The following SPATA19 variants were observed in gnomAD, a reference collection of about 807,000 sequenced individuals.
SPATA19 encodes the protein spermatogenesis-associated protein 19, mitochondrial.
In SPATA19, 19 loss-of-function variants were observed where a neutral mutation model predicts 25.0. The ratio of observed to expected loss-of-function variants is 0.76; its 90% confidence interval spans 0.53 to 1.11. SPATA19 has a LOEUF of 1.11. Ranked by LOEUF, SPATA19 falls within the 50% of genes most tolerant of loss-of-function variation. The pLI is 0.00. For missense variants in SPATA19, 222 were observed against 211.4 expected, an observed-to-expected ratio of 1.05 and a Z score of -0.31; for synonymous variants, 64 against 69.3, an observed-to-expected ratio of 0.92 and a Z score of 0.38.
intron 2 of SPATA19, 147 bp from the exon 3 acceptor site, chr11:133,844,787 C>T (rs1047571059): frequency 5.1e-6 from 5 of 986,238 alleles, no homozygotes; most frequent in Admixed American, 5.5e-5. Flanking sequence ...ACTGTTCCCA[C>T]AATAAGCTAC....
chr11:133,840,101 G>T (rs1358156395), downstream of SPATA19, among the ~76,000 whole-genome samples: 3 of 152,132 alleles, frequency 2.0e-5, no homozygotes, highest in African/African-American at 7.2e-5. Flanking sequence ...ATTATATCCA[G>T]CTTCTCCTCG....
rs202081483 is a variant in SPATA19, at chr11:133,845,197, C to A, written c.79-7G>T. ...TTTCCACAACGTCAATGTCCTGGAA[C>A]AAATTGGCAAGTTGGTGACCTCAGA... On this transcript the variant is annotated splice_region_variant and splice_polypyrimidine_tract_variant and intron_variant, in intron 1 of 6. Transcript: ENST00000299140. The A allele has an allele frequency of 3.0e-5, 48 of 1,614,038 alleles. No homozygotes were observed. The Admixed American group carries it at 7.7e-4, about 26-fold the overall frequency.
At chr11:133,837,260 G>A (rs1418963852), downstream of SPATA19, among the ~76,000 whole-genome samples, 2 of 152,204 alleles carry the variant, frequency 1.3e-5, no homozygotes, top group Non-Finnish European at 2.9e-5. Flanking sequence ...GACTGGAAAG[G>A]CAGAAAGTTG....
chr11:133,842,017 T>C lies in SPATA19; in HGVS notation c.*9+13A>G. 1 of 1,612,426 alleles carries C rather than the reference T, an allele frequency of 6.2e-7. No homozygotes were observed. ...TCTTCTCTGCCCAGTTCCTCATCCGTCAGCTCTCTCACCTGTTGCTCTCAG... is the reference window on the plus strand; with the variant it reads ...TCTTCTCTGCCCAGTTCCTCATCCGCCAGCTCTCTCACCTGTTGCTCTCAG... On this transcript the variant is annotated intron_variant, in intron 6 of 6. Coordinates refer to ENST00000299140, the MANE Select transcript of SPATA19 (RefSeq NM_174927.3).
At chr11:133,844,200 A>C (rs772633351) in intron 4 of SPATA19, 46 bp downstream of exon 4, 18 of 1,459,682 alleles carry the variant, frequency 1.2e-5, no homozygotes, top group Non-Finnish European at 1.7e-5. Context: ...GGGCTTGCGC[A>C]TCTCTCCCTC....
In SPATA19 at chr11:133,844,640, T is replaced by C. The variant is rs1938383067; in HGVS notation, c.136A>G (p.Thr46Ala). 1 of 1,592,952 alleles carries C rather than the reference T, an allele frequency of 6.3e-7. No homozygotes were observed. Among genetic ancestry groups the C allele is most frequent in the East Asian group, 2.2e-5 (1 of 44,686 alleles). ...ATGCCCCGAGAAGCCTCTTCTTCTGTCTGAAAGGTGAGAAATTCCCTCTGA... is the reference window on the plus strand; with the variant it reads ...ATGCCCCGAGAAGCCTCTTCTTCTGCCTGAAAGGTGAGAAATTCCCTCTGA... Reference protein sequence around the residue: ...VSVLHHWLKKTEEEASRGIKE... With the variant: ...VSVLHHWLKKAEEEASRGIKE... Residue 46 changes from threonine to alanine, a missense_variant and splice_region_variant, in exon 3 of 7, where the codon ACA becomes GCA. Physicochemically the swap from Thr to Ala is moderately conservative, Grantham distance 58. Transcript: ENST00000299140.
intron 3 of SPATA19, 61 bp downstream of exon 3, chr11:133,844,448 C>T (rs929585474): frequency 1.2e-6 from 2 of 1,613,120 alleles, no homozygotes; most frequent in South Asian, 1.1e-5. Context: ...TACGGTGCAC[C>T]TCCCACCTCT....
chr11:133,838,769 G>C (rs1202451563), downstream of SPATA19, among the ~76,000 whole-genome samples: 1 of 152,098 alleles, frequency 6.6e-6, no homozygotes, highest in Non-Finnish European at 1.5e-5. Flanking sequence ...GAAAATTTTC[G>C]CAACCTACTC....
chr11:133,843,773 C>T (rs1938361107), intron 4 of SPATA19, among the ~76,000 whole-genome samples: 2 of 152,164 alleles, frequency 1.3e-5, no homozygotes, highest in Admixed American at 6.5e-5. Context: ...TGCAGAGCCA[C>T]GAGAGGCAGT....
chr11:133,845,282 T>C (rs1938397173), intron 1 of SPATA19, 87 bp downstream of exon 1: 3 of 1,510,246 alleles, frequency 2.0e-6, no homozygotes, highest in Non-Finnish European at 2.8e-6. Flanking sequence ...AATTTATTTG[T>C]AAGATCTCTA....
intron 4 of SPATA19, among the ~76,000 whole-genome samples, chr11:133,843,490 A>G (rs1428346601): frequency 6.6e-6 from 1 of 152,212 alleles, no homozygotes; most frequent in Non-Finnish European, 1.5e-5. Flanking sequence ...GGGTAAGCAC[A>G]TGGAAACCGT....
downstream of SPATA19, among the ~76,000 whole-genome samples, chr11:133,837,152 C>T (rs1938227216): frequency 6.6e-6 from 1 of 152,212 alleles, no homozygotes; most frequent in South Asian, 2.1e-4. Flanking sequence ...GAAGTCATCA[C>T]TCTCATCCTA....
Position 133,845,148 on chromosome 11 carries a change from G to A in SPATA19, c.121C>T (p.His41Tyr), listed in dbSNP as rs573134272. 4 of 1,613,126 alleles carry A rather than the reference G, an allele frequency of 2.5e-6. No individual in the cohort carries two copies. Among genetic ancestry groups the A allele is most frequent in the East Asian group, 4.5e-5 (2 of 44,862 alleles). Residue 41 changes from histidine to tyrosine, a missense_variant, in exon 2 of 7, where the codon CAT (histidine) becomes TAT (tyrosine). Transcript: ENST00000299140. The stretch of plus-strand genomic sequence containing the variant: ...ATCTTACTCACTTTTTTCAACCAAT[G>A]ATGTAGTACAGACACAGCCTCACTT... ...VESEAVSVLH[H>Y]WLKKTEEEAS...
intron 6 of SPATA19, among the ~76,000 whole-genome samples, chr11:133,841,507 T>C (rs1938309279): frequency 6.6e-6 from 1 of 152,114 alleles, no homozygotes; most frequent in South Asian, 2.1e-4. Flanking sequence ...TATCCTGCCA[T>C]TGGCCTTCCA....
rs367839850 is a variant in SPATA19, at chr11:133,843,838, G to A, written c.359+408C>T. 1.4e-4 allele frequency among the ~76,000 whole-genome samples: 21 copies of A among 152,342 alleles called. No homozygotes were observed. The East Asian group carries it at 2.7e-3, about 20-fold the overall frequency. On this transcript the variant is annotated intron_variant, in intron 4 of 6. Transcript: ENST00000299140. The stretch of plus-strand genomic sequence containing the variant: ...GGACGCTGGCGAAGCCACCATAACC[G>A]AGTGCAGAATTCTAGCCTCGGGCGC...
Position 133,842,551 on chromosome 11 carries a change from A to G in SPATA19, c.371T>C (p.Ile124Thr). 6.2e-7 allele frequency: 1 copy of G among 1,613,786 alleles called. No homozygotes were observed. The highest frequency in any genetic ancestry group is 8.5e-7 in the Non-Finnish European group (1 of 1,179,728). The part of the protein sequence containing the change: ...IQFIRWSHTR[I>T]FQVPSEMTED... ...TGTCATCTCACTTGGCACTTGGAAG[A>G]TACGAGTGTGGCTGCAAAAGGCCAT... Residue 124 changes from isoleucine to threonine, a missense_variant, in exon 5 of 7, where the codon ATC (isoleucine) becomes ACC (threonine). Ile to Thr is a moderately conservative substitution (Grantham distance 89). Coordinates refer to ENST00000299140, the MANE Select transcript of SPATA19 (RefSeq NM_174927.3).
chr11:133,845,512 A>C lies in SPATA19; in HGVS notation c.-66T>G. 3 of 1,543,702 alleles carry C rather than the reference A, an allele frequency of 1.9e-6. No individual in the cohort carries two copies. Among genetic ancestry groups the C allele is most frequent in the Non-Finnish European group, 1.8e-6 (2 of 1,121,276 alleles). ...CCATTGAAGCTGCCTGAGAACTCCT[A>C]TGGGACAGGAAGGTCATTGAAGGGA... On this transcript the variant is annotated 5_prime_UTR_variant, in exon 1 of 7. Coordinates refer to ENST00000299140, the MANE Select transcript of SPATA19 (RefSeq NM_174927.3).
intron 6 of SPATA19, 56 bp from the exon 7 acceptor site, chr11:133,840,979 T>C (rs1206454319): frequency 2.6e-5 from 4 of 152,204 alleles, no homozygotes; most frequent in Non-Finnish European, 5.9e-5. Context: ...CAGCTGGAAT[T>C]GAAGCCTGAG....
intron 4 of SPATA19, 138 bp from the exon 5 acceptor site, chr11:133,842,700 C>T: frequency 1.4e-6 from 1 of 698,212 alleles, no homozygotes; most frequent in South Asian, 1.7e-5. Flanking sequence ...GTCTCTCCCC[C>T]TTCTTGACTC....
Sources: gnomAD v4.1 joint callset for allele counts (sites outside exome capture counted in the v4.1 genomes callset) on GRCh38, gnomAD v4.1.1 for gene constraint, MANE v1.5 for transcripts, NCBI Gene and HGNC (gene_info 2026-07-23, HGNC 2026-07-21) for gene names.